Variants in LARP1 observed in about 807,000 individuals in gnomAD.
LARP1 encodes la-related protein 1.
In LARP1, 36 loss-of-function variants were observed where a neutral mutation model predicts 122.7. That is an observed-to-expected ratio of 0.29 (90% CI 0.22 to 0.39). The LOEUF is 0.39. Among genes scored for constraint, LARP1 ranks in the 10% least tolerant of loss-of-function variants. The pLI is 1.00. For synonymous variants in LARP1, 539 were observed against 528.7 expected (o/e 1.02, Z -0.27); for missense variants, 1,040 against 1,403.6 (o/e 0.74, Z 4.14).
At chr5:154,770,440 C>T (rs1184616425) in intron 1 of LARP1, among the ~76,000 whole-genome samples, 1 of 152,078 alleles carries the variant, frequency 6.6e-6, no homozygotes, top group Non-Finnish European at 1.5e-5. Flanking sequence ...ATGCTGAGGA[C>T]AGGTGCTTCC....
At chr5:154,813,095 C>T (rs1348318065) in intron 18 of LARP1, among the ~76,000 whole-genome samples, 1 of 29,258 alleles carries the variant, frequency 3.4e-5, no homozygotes, top group African/African-American at 5.3e-4. Flanking sequence ...GCAGACAGGA[C>T]TTATTAGGTT....
chr5:154,722,678 GTTTTT>G (rs11315331), intron 1 of LARP1, among the ~76,000 whole-genome samples: 4 of 99,144 alleles, frequency 4.0e-5, no homozygotes, highest in African/African-American at 8.3e-5. Context: ...TCTTTCCTAG[GTTTTT>G]TTTTTTTTTT....
chr5:154,804,361 G>A (rs908280144), intron 14 of LARP1, 54 bp downstream of exon 14: 10 of 1,316,834 alleles, frequency 7.6e-6, no homozygotes, highest in African/African-American at 4.4e-5. Context: ...ATGGGTGGGC[G>A]AGCCATGAAA....
At chr5:154,721,993 T>C (rs1755901099) in intron 1 of LARP1, among the ~76,000 whole-genome samples, 1 of 152,126 alleles carries the variant, frequency 6.6e-6, no homozygotes, top group Non-Finnish European at 1.5e-5. Context: ...CCTAAATATC[T>C]CCTCTTCACT....
intron 15 of LARP1, among the ~76,000 whole-genome samples, chr5:154,808,247 GA>G (rs1758954292): frequency 6.6e-6 from 1 of 152,230 alleles, no homozygotes; most frequent in Non-Finnish European, 1.5e-5. Context: ...CCTGCTCCTG[GA>G]AAAGTACAGG....
In LARP1 at chr5:154,756,189, C is replaced by T; in HGVS notation, c.432C>T (p.Pro144=). The change falls in exon 1 of 19, where the codon CCC becomes CCT. Residue 144 remains proline (P), a synonymous_variant. Coordinates refer to ENST00000518297, the MANE Select transcript of LARP1 (RefSeq NM_033551.3). Reference sequence around the variant, plus strand: ...TGACCACCGTGAACGGACAGTCCCCCCCAGGTGGGTCTCCCTCCTTGCCCT... The same window carrying T: ...TGACCACCGTGAACGGACAGTCCCCTCCAGGTGGGTCTCCCTCCTTGCCCT... ...PVLTTVNGQS[P]PEHSAPAKVV... 7.7e-7 allele frequency: 1 copy of T among 1,297,630 alleles called. No individual in the cohort carries two copies. The highest frequency in any genetic ancestry group is 1.2e-5 in the South Asian group (1 of 81,994). The allele number at this position is 1,297,630 out of a possible 1,614,324, so 80.4% of individuals were successfully genotyped here.
chr5:154,704,034 A>G (rs909265944), intron 1 of LARP1, among the ~76,000 whole-genome samples: 6 of 152,312 alleles, frequency 3.9e-5, no homozygotes, highest in South Asian at 4.1e-4. Flanking sequence ...ACTAGGGGCA[A>G]TGTATACCCC....
At chr5:154,808,657 C>T (rs1405291946) in intron 16 of LARP1, 54 bp downstream of exon 16, 5 of 1,553,016 alleles carry the variant, frequency 3.2e-6, no homozygotes, top group African/African-American at 1.4e-5. Context: ...GATGTGGGAT[C>T]CCTAGTTGGT....
At chr5:154,799,345 G>C (rs1262539055) in intron 8 of LARP1, among the ~76,000 whole-genome samples, 1 of 152,178 alleles carries the variant, frequency 6.6e-6, no homozygotes, top group Non-Finnish European at 1.5e-5. Flanking sequence ...CTCTAGAGCA[G>C]ATTACTGGAA....
At chr5:154,691,198 C>T (rs1446350992) in intron 1 of LARP1, among the ~76,000 whole-genome samples, 1 of 147,690 alleles carries the variant, frequency 6.8e-6, no homozygotes, top group Non-Finnish European at 1.5e-5. Flanking sequence ...GGAGGCGGAG[C>T]TTGCAGTGAG....
intron 1 of LARP1, among the ~76,000 whole-genome samples, chr5:154,730,518 G>A (rs1392805795): frequency 6.6e-6 from 1 of 151,522 alleles, no homozygotes; most frequent in Non-Finnish European, 1.5e-5. Context: ...GGTCGCCCAG[G>A]CTGGGGTGCA....
At chr5:154,811,204 A>G in intron 16 of LARP1, 43 bp from the exon 17 acceptor site, 1 of 1,439,834 alleles carries the variant, frequency 6.9e-7, no homozygotes, top group Non-Finnish European at 9.8e-7. Context: ...CCCGTTTTAC[A>G]GATGAAGAAA....
chr5:154,800,120 G>A, intron 10 of LARP1, 78 bp downstream of exon 10: 3 of 1,340,678 alleles, frequency 2.2e-6, no homozygotes, highest in Admixed American at 4.0e-5. Flanking sequence ...CATGGGCACA[G>A]CACTCTAGCT....
At chr5:154,798,999 G>T (rs1282564160) in intron 8 of LARP1, among the ~76,000 whole-genome samples, 1 of 152,204 alleles carries the variant, frequency 6.6e-6, no homozygotes, top group Non-Finnish European at 1.5e-5. Flanking sequence ...GAATAGCTGG[G>T]ACTATAGGCG....
At chr5:154,755,025 T>G, upstream of LARP1, among the ~76,000 whole-genome samples, 1 of 151,888 alleles carries the variant, frequency 6.6e-6, no homozygotes, top group East Asian at 1.9e-4. Context: ...CCCTTTAAGA[T>G]ACCTCCCCTC....
chr5:154,787,094 G>T (rs1756950154), intron 1 of LARP1, among the ~76,000 whole-genome samples: 1 of 152,112 alleles, frequency 6.6e-6, no homozygotes, highest in Non-Finnish European at 1.5e-5. Context: ...GCTCAGGCTG[G>T]TCTCAAACTC....
intron 1 of LARP1, among the ~76,000 whole-genome samples, chr5:154,725,963 C>G (rs1394180225): frequency 6.6e-6 from 1 of 152,148 alleles, no homozygotes; most frequent in Non-Finnish European, 1.5e-5. Flanking sequence ...GCCTCGGCCT[C>G]TTGAGTAGCT....
intron 1 of LARP1, among the ~76,000 whole-genome samples, chr5:154,721,219 C>A (rs945386295): frequency 6.6e-6 from 1 of 151,720 alleles, no homozygotes; most frequent in African/African-American, 2.4e-5. Flanking sequence ...TGGTGGTGCA[C>A]GTCTATAGTC....
intron 1 of LARP1, among the ~76,000 whole-genome samples, chr5:154,744,473 G>T (rs1034563489): frequency 6.6e-6 from 1 of 152,108 alleles, no homozygotes; most frequent in Non-Finnish European, 1.5e-5. Context: ...TATTTGCTGG[G>T]CTCATCTAAT....
Sources: allele counts gnomAD v4.1 joint callset (sites outside exome capture counted in the v4.1 genomes callset), GRCh38; gene constraint gnomAD v4.1.1; transcripts MANE v1.5; gene names NCBI Gene and HGNC (gene_info 2026-07-23, HGNC 2026-07-21).